OTUD4: variants seen among roughly 807,000 people sequenced by gnomAD.
OTUD4 encodes the protein OTU deubiquitinase 4, also known as OTU domain-containing protein 4.
OTUD4 carries 24 observed loss-of-function variants against 130.4 expected under a neutral mutation model. That is an observed-to-expected ratio of 0.18 (90% CI 0.13 to 0.26). The LOEUF (loss-of-function observed/expected upper bound fraction) is 0.26, where lower values mean the gene tolerates loss of function less well. Ranked by LOEUF, OTUD4 falls within the 10% of genes least tolerant of loss-of-function variation. The pLI, the probability that OTUD4 is intolerant of heterozygous loss-of-function variation, is 1.00. For missense variants in OTUD4, 1,031 were observed against 1,329.4 expected (o/e 0.78, Z 3.49); for synonymous variants, 420 against 472.5 (o/e 0.89, Z 1.44).
chr4:145,137,424 C>G lies in OTUD4; in HGVS notation c.*6G>C, dbSNP rs1424190291. On this transcript the variant is annotated 3_prime_UTR_variant, in exon 21 of 21. Transcript: ENST00000447906. ...TTTCTGTTAGAAAATACTTCGGCAA[C>G]AACCATCAAGTGTGCTGTCCCCTAT... The G allele has an allele frequency of 2.5e-6, 4 of 1,584,036 alleles. No homozygotes were observed. The African/African-American group carries it at 4.1e-5, about 16-fold the overall frequency.
At chr4:145,165,674 T>C (rs1453169960) in intron 3 of OTUD4, among the ~76,000 whole-genome samples, 1 of 151,838 alleles carries the variant, frequency 6.6e-6, no homozygotes, top group Non-Finnish European at 1.5e-5. Flanking sequence ...ACGGGGTTTC[T>C]CTATGTTGGT....
Position 145,146,300 on chromosome 4 carries a change from C to G in OTUD4, c.1389G>C (p.Gln463His). The G allele has an allele frequency of 6.3e-7, 1 of 1,580,014 alleles. No individual in the cohort carries two copies. The highest frequency in any genetic ancestry group is 8.6e-7 in the Non-Finnish European group (1 of 1,167,068). ...IEESRLLYEI[Q>H]NRDEQAFPAL... Reference sequence around the variant, plus strand: ...CTGGGAAAGCCTGTTCATCTCTGTTCTGAATCTCATAGAGTAAACGGGATT... The same window carrying G: ...CTGGGAAAGCCTGTTCATCTCTGTTGTGAATCTCATAGAGTAAACGGGATT... Residue 463 changes from glutamine to histidine, a missense_variant, in exon 14 of 21, where the codon CAG becomes CAC. Coordinates refer to ENST00000447906, the MANE Select transcript of OTUD4 (RefSeq NM_001366057.1).
chr4:145,161,020 G>A (rs1046066698), intron 6 of OTUD4, among the ~76,000 whole-genome samples: 11 of 152,020 alleles, frequency 7.2e-5, no homozygotes, highest in Admixed American at 6.6e-4. Context: ...TGAGGCAGGA[G>A]AATAGCTTAA....
Position 145,138,670 on chromosome 4 carries a change from TTAAA to T in OTUD4, c.2125-24_2125-21del, listed in dbSNP as rs1159485405. On this transcript the variant is annotated intron_variant, in intron 20 of 20. Transcript: ENST00000447906. ...GTATGCCTGAAGAGACAAAAAACAG[TTAAA>T]TAAACAAAAGAGGAGAAAAAAGAGA... is the stretch of plus-strand genomic sequence containing the variant. The T allele has an allele frequency of 5.7e-6, 9 of 1,570,810 alleles. No homozygotes were observed. Among genetic ancestry groups the T allele is most frequent in the South Asian group, 1.2e-5 (1 of 83,630 alleles).
intron 5 of OTUD4, among the ~76,000 whole-genome samples, chr4:145,163,146 C>T (rs1246811498): frequency 6.6e-6 from 1 of 152,076 alleles, no homozygotes; most frequent in Admixed American, 6.6e-5. Context: ...GAAAAATGCA[C>T]ATTGATTTTG....
chr4:145,170,107 C>T lies in OTUD4; in HGVS notation c.294+1563G>A, dbSNP rs151106015. Among the ~76,000 whole-genome samples, 651 of 152,348 alleles carry T rather than the reference C, an allele frequency of 4.3e-3. 6 individuals carry two copies. Among genetic ancestry groups the T allele is most frequent in the African/African-American group, 0.015 (616 of 41,582 alleles). ...GCCCCAAAAACCTTATATGGTTTCCCAATGCCTGATGCCTAGGCCCCAGGC... is the reference window on the plus strand; with the variant it reads ...GCCCCAAAAACCTTATATGGTTTCCTAATGCCTGATGCCTAGGCCCCAGGC... On this transcript the variant is annotated intron_variant, in intron 3 of 20. Transcript: ENST00000447906.
rs1402483565 is a variant in OTUD4 at position 145,139,841 on chromosome 4, G to T, written c.2124+110C>A. The T allele has an allele frequency of 1.8e-5, 8 of 440,024 alleles. 1 individual carries two copies. Among genetic ancestry groups the T allele is most frequent in the South Asian group, 4.7e-5 (2 of 42,512 alleles). 27.3% of individuals were successfully genotyped at this position (440,024 alleles called of 1,614,324 possible). On this transcript the variant is annotated intron_variant, in intron 20 of 20. Coordinates refer to ENST00000447906, the MANE Select transcript of OTUD4 (RefSeq NM_001366057.1). ...AAAATGCTGGTTTTTAAAATGATGAGATTTAGTAAACTTTAGGTTACTGAC... is the reference window on the plus strand; with the variant it reads ...AAAATGCTGGTTTTTAAAATGATGATATTTAGTAAACTTTAGGTTACTGAC...
intron 1 of OTUD4, chr4:145,178,000 C>G (rs1434554257): frequency 6.6e-6 from 1 of 152,342 alleles, no homozygotes; most frequent in East Asian, 1.9e-4. Context: ...TACTGAATAA[C>G]TGAACTTCCC....
In OTUD4 at chr4:145,165,346, A is replaced by C. The variant is rs1032281461; in HGVS notation, c.295-149T>G. On this transcript the variant is annotated intron_variant, in intron 3 of 20. Coordinates refer to ENST00000447906, the MANE Select transcript of OTUD4 (RefSeq NM_001366057.1). ...TATTGTGAATATTATAAAAACGTTT[A>C]TATAAAACAGACCACAATATGTGGT... 4 of 528,510 alleles carry C rather than the reference A, an allele frequency of 7.6e-6. No individual in the cohort carries two copies. In the African/African-American group the frequency reaches 7.6e-5, roughly 10 times the overall value. 32.7% of individuals were successfully genotyped at this position (528,510 alleles called of 1,614,324 possible). A position where few individuals can be genotyped will look rare whatever the true frequency, so the allele number is the denominator to read the frequency against.
At chr4:145,156,973 A>G (rs999608119) in intron 7 of OTUD4, among the ~76,000 whole-genome samples, 1 of 152,146 alleles carries the variant, frequency 6.6e-6, no homozygotes. Context: ...CTTTTCATAT[A>G]AACAGATTCA....
At chr4:145,178,477 A>T (rs1227739992) in intron 1 of OTUD4, 1 of 152,384 alleles carries the variant, frequency 6.6e-6, no homozygotes, top group Non-Finnish European at 1.5e-5. Context: ...GGACAGACAG[A>T]GATTCAGAAA....
chr4:145,162,272 G>A (rs1050324413), intron 6 of OTUD4, among the ~76,000 whole-genome samples: 17 of 152,168 alleles, frequency 1.1e-4, no homozygotes, highest in Middle Eastern at 3.4e-3. Flanking sequence ...GACTGTATAA[G>A]GCCGGGCACG....
rs369544316 is a variant in OTUD4 at position 145,135,992 on chromosome 4, C to T, written c.*1438G>A. On this transcript the variant is annotated 3_prime_UTR_variant, in exon 21 of 21. Coordinates refer to ENST00000447906, the MANE Select transcript of OTUD4 (RefSeq NM_001366057.1). ...TTTGCTTTACAAAAAAAGAAAGTCA[C>T]CGCATCTGGTTTTGGCTAGGTATAT... 6.6e-6 allele frequency: 1 copy of T among 152,604 alleles called. No homozygotes were observed. The highest frequency in any genetic ancestry group is 1.5e-5 in the Non-Finnish European group (1 of 68,036). The allele number at this position is 152,604 out of a possible 1,614,324, so 9.5% of individuals were successfully genotyped here.
Position 145,134,400 on chromosome 4 carries a change from G to A in OTUD4, c.*3030C>T, listed in dbSNP as rs1337804240. The A allele has an allele frequency of 3.5e-6, 1 of 285,698 alleles. No homozygotes were observed. Among genetic ancestry groups the A allele is most frequent in the Non-Finnish European group, 6.4e-6 (1 of 155,090 alleles). The allele number at this position is 285,698 out of a possible 1,614,324, so 17.7% of individuals were successfully genotyped here. ...CTAAAAATGAAGGTAAAACGAAAGA[G>A]GCAAAAATAAATATTGCTAGTTTCT... On this transcript the variant is annotated 3_prime_UTR_variant, in exon 21 of 21. Transcript: ENST00000447906.
In OTUD4 at chr4:145,146,438, TA is replaced by T; in HGVS notation, c.1260-10del. 1 of 1,457,804 alleles carries T rather than the reference TA, an allele frequency of 6.9e-7. No homozygotes were observed. Among genetic ancestry groups the T allele is most frequent in the Non-Finnish European group, 9.1e-7 (1 of 1,094,622 alleles). 90.3% of individuals were successfully genotyped at this position (1,457,804 alleles called of 1,614,324 possible). A position where few individuals can be genotyped will look rare whatever the true frequency, so the allele number is the denominator to read the frequency against. Reference sequence around the variant, plus strand: ...TTTCACGATCAGGTTTTCTGTCAAATAAAACATTCTTGTCAGAAAATACATA... The same window carrying T: ...TTTCACGATCAGGTTTTCTGTCAAATAAACATTCTTGTCAGAAAATACATA... On this transcript the variant is annotated splice_polypyrimidine_tract_variant and intron_variant, in intron 13 of 20. Transcript: ENST00000447906.
intron 2 of OTUD4, among the ~76,000 whole-genome samples, chr4:145,173,982 G>A (rs1334476083): frequency 6.6e-6 from 1 of 151,020 alleles, no homozygotes; most frequent in East Asian, 1.9e-4. Flanking sequence ...TACACTCAGC[G>A]TATTTTTTAC....
At chr4:145,164,119 C>T (rs763621021) in intron 5 of OTUD4, 35 bp downstream of exon 5, 10 of 984,760 alleles carry the variant, frequency 1.0e-5, no homozygotes, top group Admixed American at 2.2e-5. Flanking sequence ...GGTTCTTTTA[C>T]TTAAATACTT....
chr4:145,157,349 G>A (rs946744160), intron 7 of OTUD4, among the ~76,000 whole-genome samples: 1 of 152,124 alleles, frequency 6.6e-6, no homozygotes, highest in Admixed American at 6.5e-5. Context: ...CATGTGGGTG[G>A]TTTCCCCCAT....
chr4:145,144,667 A>G (rs1002557889), intron 14 of OTUD4, among the ~76,000 whole-genome samples: 1 of 152,198 alleles, frequency 6.6e-6, no homozygotes, highest in African/African-American at 2.4e-5. Context: ...TTCAACTTAG[A>G]TTAGTAGACT....
Sources: allele counts gnomAD v4.1 joint callset (sites outside exome capture counted in the v4.1 genomes callset), GRCh38; gene constraint gnomAD v4.1.1; transcripts MANE v1.5; gene names NCBI Gene and HGNC (gene_info 2026-07-23, HGNC 2026-07-21).